Variants in ADAMTS6 observed in about 807,000 individuals in gnomAD.
ADAMTS6 encodes the protein ADAM metallopeptidase with thrombospondin type 1 motif 6, also known as A disintegrin and metalloproteinase with thrombospondin motifs 6.
ADAMTS6 carries 23 observed loss-of-function variants against 144.3 expected under a neutral mutation model. That is an observed-to-expected ratio of 0.16 (90% CI 0.11 to 0.23). ADAMTS6 has a LOEUF of 0.23. Ranked by LOEUF, ADAMTS6 falls within the 10% of genes least tolerant of loss-of-function variation. The probability of loss-of-function intolerance (pLI) is 1.00; values close to 1 mark genes in which losing one functional copy is unlikely to be tolerated. For synonymous variants in ADAMTS6, 444 were observed against 457.5 expected (o/e 0.97, Z 0.38); for missense variants, 999 against 1,379.6 (o/e 0.72, Z 4.37).
rs748513375 is a variant in ADAMTS6 at position 65,291,308 on chromosome 5, A to G, written c.1512+21T>C. ...GAAGAACACGTATAAATGACGAAAC[A>G]TAAGGATGAAGACTTCTTACCCCAT... is the stretch of plus-strand genomic sequence containing the variant. On this transcript the variant is annotated intron_variant, in intron 11 of 24. Transcript: ENST00000381055. 9.4e-6 allele frequency: 15 copies of G among 1,598,992 alleles called. No individual in the cohort carries two copies. The South Asian group carries it at 1.6e-4, about 17-fold the overall frequency.
intron 12 of ADAMTS6, among the ~76,000 whole-genome samples, chr5:65,271,375 C>CTAAA: frequency 1.3e-5 from 1 of 75,398 alleles, no homozygotes; most frequent in South Asian, 4.1e-4. Context: ...TATACTCCGT[C>CTAAA]TAAAAAAAAA....
intron 18 of ADAMTS6, among the ~76,000 whole-genome samples, chr5:65,220,704 G>A (rs758184596): frequency 2.0e-5 from 3 of 151,996 alleles, no homozygotes; most frequent in Non-Finnish European, 2.9e-5. Context: ...CCGAGATTGC[G>A]CCACTGCACT....
chr5:65,444,257 TG>T (rs1217479680), intron 7 of ADAMTS6, among the ~76,000 whole-genome samples: 1 of 152,088 alleles, frequency 6.6e-6, no homozygotes, highest in Non-Finnish European at 1.5e-5. Context: ...CTGGGTATGG[TG>T]GCAGGCACCT....
intron 7 of ADAMTS6, among the ~76,000 whole-genome samples, chr5:65,353,594 C>T (rs1231670710): frequency 6.6e-6 from 1 of 152,002 alleles, no homozygotes. Flanking sequence ...CAATGATTAA[C>T]ATTTGGAAAA....
At chr5:65,388,159 A>G (rs1191480295) in intron 7 of ADAMTS6, among the ~76,000 whole-genome samples, 1 of 152,170 alleles carries the variant, frequency 6.6e-6, no homozygotes, top group Non-Finnish European at 1.5e-5. Context: ...CGGTGAGCCA[A>G]GATCGCGCCA....
chr5:65,250,896 C>T (rs2112540460), intron 14 of ADAMTS6, among the ~76,000 whole-genome samples: 1 of 152,230 alleles, frequency 6.6e-6, no homozygotes, highest in East Asian at 1.9e-4. Flanking sequence ...CTTTATATAG[C>T]CATATTTTTA....
At chr5:65,427,314 T>C (rs182033886) in intron 7 of ADAMTS6, among the ~76,000 whole-genome samples, 1 of 151,966 alleles carries the variant, frequency 6.6e-6, no homozygotes. Flanking sequence ...TATTATTATT[T>C]TTTTTTAGAG....
At chr5:65,183,544 G>A (rs1244992848) in intron 22 of ADAMTS6, among the ~76,000 whole-genome samples, 5 of 151,936 alleles carry the variant, frequency 3.3e-5, no homozygotes, top group East Asian at 3.8e-4. Flanking sequence ...TTCAGGTATC[G>A]ACTGGGGGTC....
At chr5:65,301,565 ATCTG>A (rs1358907053) in intron 9 of ADAMTS6, among the ~76,000 whole-genome samples, 1 of 152,212 alleles carries the variant, frequency 6.6e-6, no homozygotes, top group East Asian at 1.9e-4. Context: ...TATGGAATTG[ATCTG>A]TCTATTAGAC....
chr5:65,229,476 T>C lies in ADAMTS6; in HGVS notation c.1934-3257A>G, dbSNP rs1757972382. 2.0e-5 allele frequency among the ~76,000 whole-genome samples: 3 copies of C among 152,156 alleles called. No individual in the cohort carries two copies. The South Asian group carries it at 6.2e-4, about 32-fold the overall frequency. On this transcript the variant is annotated intron_variant, in intron 15 of 24. Coordinates refer to ENST00000381055, the MANE Select transcript of ADAMTS6 (RefSeq NM_197941.4). ...CCAACCCCAAAGACATGGAGCTCTA[T>C]GAATGGCATGAAAAAGAATCCAAAA...
At chr5:65,316,490 G>A (rs1242153012) in intron 9 of ADAMTS6, among the ~76,000 whole-genome samples, 1 of 152,226 alleles carries the variant, frequency 6.6e-6, no homozygotes, top group East Asian at 1.9e-4. Context: ...AGTTATATCT[G>A]TAATTACATT....
intron 9 of ADAMTS6, among the ~76,000 whole-genome samples, chr5:65,312,649 C>T (rs1744610084): frequency 6.6e-6 from 1 of 151,902 alleles, no homozygotes; most frequent in South Asian, 2.1e-4. Context: ...CTAGACTCTC[C>T]CCATACCATA....
In ADAMTS6 at chr5:65,191,706, T is replaced by G. The variant is rs2112195402; in HGVS notation, c.2706-3486A>C. 2.0e-5 allele frequency among the ~76,000 whole-genome samples: 3 copies of G among 152,096 alleles called. 1 individual carries two copies. Among genetic ancestry groups the G allele is most frequent in the Middle Eastern group, 3.4e-3 (1 of 294 alleles). ...AAAGTTGTTAAAAAAATAAAAAGAA[T>G]TTTTTTTCATTTCTCAGCTAATTGG... is the stretch of plus-strand genomic sequence containing the variant. On this transcript the variant is annotated intron_variant, in intron 21 of 24. Coordinates refer to ENST00000381055, the MANE Select transcript of ADAMTS6 (RefSeq NM_197941.4).
At chr5:65,400,616 C>T (rs1348980251) in intron 7 of ADAMTS6, among the ~76,000 whole-genome samples, 2 of 152,172 alleles carry the variant, frequency 1.3e-5, no homozygotes, top group South Asian at 2.1e-4. Context: ...GATAAATTCT[C>T]GGTCATTATT....
chr5:65,372,435 A>C (rs2150122165), intron 7 of ADAMTS6, among the ~76,000 whole-genome samples: 1 of 151,794 alleles, frequency 6.6e-6, no homozygotes, highest in South Asian at 2.1e-4. Flanking sequence ...ATGGAAAACA[A>C]AAAAAGGCAG....
chr5:65,331,919 T>C (rs927964942), intron 8 of ADAMTS6, among the ~76,000 whole-genome samples: 4 of 151,902 alleles, frequency 2.6e-5, no homozygotes, highest in Non-Finnish European at 5.9e-5. Flanking sequence ...AGTTTATAAT[T>C]TGAAAAATAA....
chr5:65,214,971 A>C lies in ADAMTS6; in HGVS notation c.2437-39T>G. 3 of 1,589,454 alleles carry C rather than the reference A, an allele frequency of 1.9e-6. No individual in the cohort carries two copies. The highest frequency in any genetic ancestry group is 2.6e-6 in the Non-Finnish European group (3 of 1,168,700). ...CAACTGGTGAAGACAATTAAAATAC[A>C]ATGAGCCTTCATTCAGATATTTATT... On this transcript the variant is annotated intron_variant, in intron 19 of 24. Coordinates refer to ENST00000381055, the MANE Select transcript of ADAMTS6 (RefSeq NM_197941.4). The surrounding 1 kb of genome is among the most constrained non-coding windows in gnomAD (Gnocchi z 4.6).
intron 4 of ADAMTS6, among the ~76,000 whole-genome samples, chr5:65,456,132 A>G (rs1174200664): frequency 1.3e-5 from 2 of 152,020 alleles, no homozygotes; most frequent in African/African-American, 4.8e-5. Context: ...TTAGCTCATT[A>G]TAAAACTATA....
chr5:65,370,335 G>A (rs1169375394), intron 7 of ADAMTS6, among the ~76,000 whole-genome samples: 1 of 152,210 alleles, frequency 6.6e-6, no homozygotes, highest in Admixed American at 6.5e-5. Flanking sequence ...GCAGAAGGCG[G>A]GTGATTTCTG....
Sources: gnomAD v4.1 joint callset for allele counts (sites outside exome capture counted in the v4.1 genomes callset) on GRCh38, gnomAD v4.1.1 for gene constraint, Gnocchi (gnomAD v3.1) non-coding constraint, MANE v1.5 for transcripts, NCBI Gene and HGNC (gene_info 2026-07-23, HGNC 2026-07-21) for gene names.